SP140: variants seen among roughly 807,000 people sequenced by gnomAD.
SP140 encodes SP140 nuclear body protein, also known as nuclear body protein SP140.
Under a neutral mutation model 125.0 loss-of-function variants are expected in SP140, and 81 were observed. The observed-to-expected ratio is 0.65, with a 90% confidence interval of 0.54 to 0.78. The LOEUF (loss-of-function observed/expected upper bound fraction) is 0.78. Ranked by LOEUF, SP140 falls within the 30% of genes least tolerant of loss-of-function variation. The probability of loss-of-function intolerance (pLI) is 0.00; values close to 1 mark genes in which losing one functional copy is unlikely to be tolerated. For synonymous variants in SP140, 312 were observed against 354.0 expected, an observed-to-expected ratio of 0.88 and a Z score of 1.33; for missense variants, 858 against 1,037.0, an observed-to-expected ratio of 0.83 and a Z score of 2.37.
intron 3 of SP140, among the ~76,000 whole-genome samples, chr2:230,239,685 G>A (rs2048448610): frequency 6.6e-6 from 1 of 152,214 alleles, no homozygotes. Context: ...CCGACCTCAG[G>A]TGATCTGCCT....
In SP140 at chr2:230,247,919, T is replaced by G; in HGVS notation, c.746T>G (p.Leu249Arg). Residue 249 changes from leucine to arginine, a missense_variant, in exon 8 of 27, where the codon CTA (leucine) becomes CGA (arginine). Leu to Arg is a moderately radical substitution (Grantham distance 102, BLOSUM62 -2). Around this residue, in one of 4 missense-constraint regions of SP140, gnomAD observed 791 missense variants for 869.5 expected, o/e 0.91. Coordinates refer to ENST00000392045, the MANE Select transcript of SP140 (RefSeq NM_007237.5). ...AGATGCCTTTTTTGATCCCTAGTTC[T>G]AGAAAGCAACGGGATGATAGATGCG... ...PKLLPYDTEV[L>R]ESNGMIDAAR... The G allele has an allele frequency of 6.2e-7, 1 of 1,612,994 alleles. No individual in the cohort carries two copies. The highest frequency in any genetic ancestry group is 8.5e-7 in the Non-Finnish European group (1 of 1,179,534).
chr2:230,203,089 C>T (rs2043345166), upstream of SP140: 1 of 322,664 alleles, frequency 3.1e-6, no homozygotes, highest in Admixed American at 4.5e-5. Context: ...TAAAGCACCT[C>T]TCCAGGTTCC....
At chr2:230,278,068 A>G (rs1432276617) in intron 15 of SP140, among the ~76,000 whole-genome samples, 1 of 152,144 alleles carries the variant, frequency 6.6e-6, no homozygotes, top group Non-Finnish European at 1.5e-5. Flanking sequence ...ACTGTTTTCC[A>G]TAATGGCTGT....
At chr2:230,193,769 C>T in the SP140 span, among the ~76,000 whole-genome samples, 2 of 152,160 alleles carry the variant, frequency 1.3e-5, no homozygotes, top group Non-Finnish European at 2.9e-5. Flanking sequence ...CTGACTATTA[C>T]ATCAATAGGT....
At chr2:230,296,718 G>A (rs2057771193) in intron 21 of SP140, among the ~76,000 whole-genome samples, 1 of 152,194 alleles carries the variant, frequency 6.6e-6, no homozygotes, top group Non-Finnish European at 1.5e-5. Flanking sequence ...GGCTGTGGGA[G>A]ATAAGTCCTC....
At chr2:230,269,217 G>C (rs2053569779) in intron 12 of SP140, among the ~76,000 whole-genome samples, 1 of 152,060 alleles carries the variant, frequency 6.6e-6, no homozygotes, top group African/African-American at 2.4e-5. Context: ...TGGCCAATTG[G>C]GATGAGTTTA....
Position 230,269,842 on chromosome 2 carries a change from G to A in SP140, c.1333G>A (p.Glu445Lys). The A allele has an allele frequency of 6.2e-7, 1 of 1,613,528 alleles. No homozygotes were observed. The highest frequency in any genetic ancestry group is 8.5e-7 in the Non-Finnish European group (1 of 1,179,490). ...SLLYDNVPGA[E>K]QSAYENEKCS... The stretch of plus-strand genomic sequence containing the variant: ...GAATCACAATTTTGGCCCAGGAGCG[G>A]AGCAATCAGCATATGAAAATGAGAA... The change falls in exon 14 of 27, where the codon GAG becomes AAG. Residue 445 changes from glutamate (E) to lysine (K), a missense_variant. Coordinates refer to ENST00000392045, the MANE Select transcript of SP140 (RefSeq NM_007237.5).
chr2:230,248,833 G>T, intron 8 of SP140, 52 bp from the exon 9 acceptor site: 3 of 1,430,330 alleles, frequency 2.1e-6, no homozygotes, highest in Non-Finnish European at 3.0e-6. Context: ...ACACACTGAG[G>T]CCTGTGTCCA....
chr2:230,232,528 G>A (rs577597302), intron 1 of SP140, among the ~76,000 whole-genome samples: 1 of 152,348 alleles, frequency 6.6e-6, no homozygotes, highest in African/African-American at 2.4e-5. Flanking sequence ...TGTTGAAGCT[G>A]AAACCAGAGG....
chr2:230,243,149 A>G (rs768104128), intron 4 of SP140, among the ~76,000 whole-genome samples: 12 of 152,164 alleles, frequency 7.9e-5, no homozygotes, highest in Admixed American at 5.9e-4. Context: ...CAATTGTTAA[A>G]TCTCTCTTTC....
intron 7 of SP140, 87 bp downstream of exon 7, chr2:230,246,027 A>G: frequency 1.4e-6 from 1 of 733,736 alleles, no homozygotes; most frequent in Admixed American, 2.0e-5. Context: ...TCCCCCATCT[A>G]TTCATGTATT....
chr2:230,212,300 T>C, intron 1 of SP140: 1 of 1,412,136 alleles, frequency 7.1e-7, no homozygotes, highest in Non-Finnish European at 1.0e-6. Context: ...ATGTTCTCCC[T>C]TCACAGTCAC....
At chr2:230,293,050 CT>C (rs1462041133) in intron 20 of SP140, among the ~76,000 whole-genome samples, 1 of 152,114 alleles carries the variant, frequency 6.6e-6, no homozygotes, top group Admixed American at 6.5e-5. Flanking sequence ...ATGCAGACAG[CT>C]TTGTGCACTG....
chr2:230,245,077 G>C lies in SP140; in HGVS notation c.661G>C (p.Gly221Arg). The stretch of plus-strand genomic sequence containing the variant: ...TGCACCCAGCCTACTACCAGGTGGG[G>C]GAGGTAATTATGATTTAAATGACCA... ...EDAPSLLPGG[G>R]VSCKLAIQID... is the part of the protein sequence containing the mutation. Residue 221 changes from glycine (G) to arginine (R), a missense_variant, in exon 6 of 27, where the codon GGA (glycine) becomes CGA (arginine). Gly to Arg is a moderately radical substitution (Grantham distance 125, BLOSUM62 -2). Around this residue, in one of 4 missense-constraint regions of SP140, gnomAD observed 791 missense variants for 869.5 expected, o/e 0.91. Transcript: ENST00000392045. The C allele has an allele frequency of 6.2e-7, 1 of 1,606,584 alleles. No individual in the cohort carries two copies. Among genetic ancestry groups the C allele is most frequent in the Non-Finnish European group, 8.5e-7 (1 of 1,173,536 alleles).
intron 12 of SP140, among the ~76,000 whole-genome samples, chr2:230,263,652 T>C (rs1055229689): frequency 6.6e-6 from 1 of 152,228 alleles, no homozygotes; most frequent in African/African-American, 2.4e-5. Flanking sequence ...GCAGTTCTTG[T>C]AGTGGTGGCT....
chr2:230,187,994 T>A, the SP140 span, among the ~76,000 whole-genome samples: 1 of 152,186 alleles, frequency 6.6e-6, no homozygotes, highest in Non-Finnish European at 1.5e-5. Context: ...TGGTTCCATA[T>A]GAATTTTAAG....
chr2:230,239,534 C>A (rs1225401783), intron 3 of SP140, among the ~76,000 whole-genome samples: 1 of 152,190 alleles, frequency 6.6e-6, no homozygotes, highest in East Asian at 1.9e-4. Flanking sequence ...GCAACCTCCA[C>A]CTCCTGGGTT....
chr2:230,299,758 C>A (rs2058113968), intron 22 of SP140, among the ~76,000 whole-genome samples: 2 of 152,158 alleles, frequency 1.3e-5, no homozygotes, highest in Non-Finnish European at 2.9e-5. Flanking sequence ...AAATTTGGCT[C>A]TGTTGGCTGT....
chr2:230,236,429 A>G (rs564993561), intron 1 of SP140, among the ~76,000 whole-genome samples: 2 of 152,328 alleles, frequency 1.3e-5, no homozygotes, highest in African/African-American at 4.8e-5. Context: ...TAGGATGTGT[A>G]TATACAGAGA....
Sources: allele counts gnomAD v4.1 joint callset (sites outside exome capture counted in the v4.1 genomes callset), GRCh38; gene constraint gnomAD v4.1.1; regional missense constraint gnomAD v4.1.1; transcripts MANE v1.5; gene names NCBI Gene and HGNC (gene_info 2026-07-23, HGNC 2026-07-21).